NKX2-2: variants seen among roughly 807,000 people sequenced by gnomAD.
NKX2-2 encodes the protein NK2 homeobox 2.
Under a neutral mutation model 24.6 loss-of-function variants are expected in NKX2-2, and 8 were observed. The observed-to-expected ratio is 0.32, with a 90% CI of 0.19 to 0.59. The LOEUF (loss-of-function observed/expected upper bound fraction) is 0.59, where lower values mean the gene tolerates loss of function less well. NKX2-2 is among the 20% of genes least tolerant of loss of function. The probability of loss-of-function intolerance (pLI) is 0.86; values close to 1 mark genes in which losing one functional copy is unlikely to be tolerated. For synonymous variants in NKX2-2, 217 were observed against 173.3 expected (o/e 1.25, Z -1.98); for missense variants, 381 against 373.9 (o/e 1.02, Z -0.16).
upstream of NKX2-2, among the ~76,000 whole-genome samples, chr20:21,514,838 C>CGAGAGAGCCCAAAACCCAG (rs1374377632): frequency 6.6e-6 from 1 of 152,200 alleles, no homozygotes; most frequent in East Asian, 1.9e-4. Context: ...CAGTTAACCG[C>CGAGAGAGCCCAAAACCCAG]GAGAGAGCCC....
chr20:21,517,926 C>T (rs1980682214), upstream of NKX2-2, among the ~76,000 whole-genome samples: 1 of 152,184 alleles, frequency 6.6e-6, no homozygotes, highest in Non-Finnish European at 1.5e-5. Flanking sequence ...AGTAAGGGCC[C>T]ACCACTCCCA....
At position 21,512,248 on chromosome 20, in the gene NKX2-2, C is replaced by T. The variant is rs781428459; in HGVS notation, c.497G>A (p.Arg166His). 1.9e-6 allele frequency: 3 copies of T among 1,613,826 alleles called. No homozygotes were observed. The highest frequency in any genetic ancestry group is 2.5e-6 in the Non-Finnish European group (3 of 1,179,948). The change falls in exon 2 of 2, where the codon CGC (arginine) becomes CAC (histidine). Residue 166 changes from arginine to histidine, a missense_variant. Physicochemically the swap from Arg to His is conservative, Grantham distance 29. Around this residue, in one of 3 missense-constraint regions of NKX2-2, gnomAD observed 36 missense variants for 79.2 expected, o/e 0.45. Transcript: ENST00000377142. ...PEREHLASLI[R>H]LTPTQVKIWF... ...GATCTTGACCTGCGTGGGCGTGAGG[C>T]GGATGAGGCTGGCCAGGTGTTCGCG...
rs1303783468 is a variant in NKX2-2 at position 21,513,653 on chromosome 20, G to T, written c.17C>A (p.Thr6Lys). MSLTN[T>K]KTGFSVKDIL... ...GTCCTTGACCGAAAACCCCGTCTTTGTGTTGGTCAGCGACATGGTTCGAGA... is the reference window on the plus strand; with the variant it reads ...GTCCTTGACCGAAAACCCCGTCTTTTTGTTGGTCAGCGACATGGTTCGAGA... Residue 6 changes from threonine (T) to lysine (K), a missense_variant, in exon 1 of 2, where the codon ACA becomes AAA. Transcript: ENST00000377142. The surrounding 1 kb of genome is among the most constrained non-coding windows in gnomAD (Gnocchi z 4.6). 1.3e-6 allele frequency: 2 copies of T among 1,580,426 alleles called. No individual in the cohort carries two copies. The highest frequency in any genetic ancestry group is 1.7e-6 in the Non-Finnish European group (2 of 1,166,380).
At chr20:21,520,511 C>G in the NKX2-2 span, among the ~76,000 whole-genome samples, 1 of 152,318 alleles carries the variant, frequency 6.6e-6, no homozygotes, top group South Asian at 2.1e-4. Context: ...TTAATGAGAT[C>G]TTTAAAAATG....
upstream of NKX2-2, among the ~76,000 whole-genome samples, chr20:21,514,547 G>A (rs906684945): frequency 2.0e-5 from 3 of 152,168 alleles, no homozygotes; most frequent in East Asian, 1.9e-4. Flanking sequence ...CAGAAACCAG[G>A]AGGAGGGAAA....
upstream of NKX2-2, among the ~76,000 whole-genome samples, chr20:21,516,390 CT>C (rs5840920): frequency 0.17 from 22,857 of 134,730 alleles, 1,653 homozygotes; most frequent in East Asian, 0.25. Flanking sequence ...ACTTTTCGTG[CT>C]TTTTTTTTTT....
Position 21,512,097 on chromosome 20 carries a change from G to A in NKX2-2, c.648C>T (p.His216=), listed in dbSNP as rs751150502. ...CTGCCAGGTCCTGGGCTTTGAGCGC[G>A]TGACATGGTTTGCCGTCCCTGACCA... ...PVLVRDGKPC[H]ALKAQDLAAA... is the part of the protein sequence containing the mutation. Residue 216 remains histidine, a synonymous_variant, in exon 2 of 2, where the codon CAC becomes CAT. Coordinates refer to ENST00000377142, the MANE Select transcript of NKX2-2 (RefSeq NM_002509.4). 1 of 1,613,848 alleles carries A rather than the reference G, an allele frequency of 6.2e-7. No homozygotes were observed. The highest frequency in any genetic ancestry group is 8.5e-7 in the Non-Finnish European group (1 of 1,179,950).
chr20:21,519,921 C>T, the NKX2-2 span, among the ~76,000 whole-genome samples: 1 of 152,088 alleles, frequency 6.6e-6, no homozygotes, highest in Non-Finnish European at 1.5e-5. Flanking sequence ...GACTCACAGC[C>T]ATTGGACAGG....
chr20:21,520,795 G>A, the NKX2-2 span, among the ~76,000 whole-genome samples: 1 of 152,218 alleles, frequency 6.6e-6, no homozygotes, highest in Non-Finnish European at 1.5e-5. Flanking sequence ...ATGTTACAAT[G>A]AGATTACGCA....
At chr20:21,519,909 G>C in the NKX2-2 span, among the ~76,000 whole-genome samples, 18 of 152,296 alleles carry the variant, frequency 1.2e-4, 1 homozygote, top group East Asian at 3.5e-3. Flanking sequence ...TCTGGCAGGA[G>C]AGACTCACAG....
At position 21,511,657 on chromosome 20, in the gene NKX2-2, A is replaced by G. The variant is rs1980432734; in HGVS notation, c.*266T>C. The G allele has an allele frequency of 2.9e-6, 1 of 344,842 alleles. No individual in the cohort carries two copies. Among genetic ancestry groups the G allele is most frequent in the South Asian group, 1.4e-4 (1 of 7,008 alleles). 21.4% of individuals were successfully genotyped at this position (344,842 alleles called of 1,614,324 possible). On this transcript the variant is annotated 3_prime_UTR_variant, in exon 2 of 2. Coordinates refer to ENST00000377142, the MANE Select transcript of NKX2-2 (RefSeq NM_002509.4). Reference sequence around the variant, plus strand: ...GAGGCAAAGAAGCGAAGCTGCGCAAACATTCTGTAAACACGGCGTAGAGTT... The same window carrying G: ...GAGGCAAAGAAGCGAAGCTGCGCAAGCATTCTGTAAACACGGCGTAGAGTT...
At chr20:21,519,210 T>C in the NKX2-2 span, among the ~76,000 whole-genome samples, 1 of 152,206 alleles carries the variant, frequency 6.6e-6, no homozygotes, top group Non-Finnish European at 1.5e-5. Context: ...TTCTTCGTCT[T>C]TTTTTTGGAA....
chr20:21,521,678 C>T, the NKX2-2 span, among the ~76,000 whole-genome samples: 1 of 152,222 alleles, frequency 6.6e-6, no homozygotes, highest in Non-Finnish European at 1.5e-5. Context: ...CTCCCTGCGA[C>T]GCACAGGGGG....
upstream of NKX2-2, among the ~76,000 whole-genome samples, chr20:21,517,939 C>G (rs1465309361): frequency 6.6e-6 from 1 of 152,216 alleles, no homozygotes; most frequent in Non-Finnish European, 1.5e-5. Flanking sequence ...CACTCCCACC[C>G]TGTCAGCGTC....
At chr20:21,522,352 T>G in the NKX2-2 span, among the ~76,000 whole-genome samples, 1 of 152,172 alleles carries the variant, frequency 6.6e-6, no homozygotes, top group Non-Finnish European at 1.5e-5. Context: ...GACCCCTCTC[T>G]GCTGGCAGGC....
At chr20:21,521,518 T>A in the NKX2-2 span, among the ~76,000 whole-genome samples, 3 of 152,178 alleles carry the variant, frequency 2.0e-5, no homozygotes, top group Non-Finnish European at 4.4e-5. Context: ...CGGCTCCTCC[T>A]GTCTGCGACT....
At chr20:21,514,835 C>G (rs1007668865), upstream of NKX2-2, among the ~76,000 whole-genome samples, 3 of 152,228 alleles carry the variant, frequency 2.0e-5, no homozygotes, top group Non-Finnish European at 4.4e-5. Context: ...TTCCAGTTAA[C>G]CGCGAGAGAG....
chr20:21,517,468 G>C (rs748938277), upstream of NKX2-2, among the ~76,000 whole-genome samples: 10 of 152,212 alleles, frequency 6.6e-5, no homozygotes, highest in Non-Finnish European at 1.2e-4. Context: ...CGTCCGTGTG[G>C]TTCCCGCGTC....
upstream of NKX2-2, among the ~76,000 whole-genome samples, chr20:21,517,738 C>A (rs117940609): frequency 1.3e-5 from 2 of 152,290 alleles, no homozygotes; most frequent in Non-Finnish European, 2.9e-5. Context: ...AGGCGCCAAA[C>A]GCACCTTTTC....
Sources: gnomAD v4.1 joint callset for allele counts (sites outside exome capture counted in the v4.1 genomes callset) on GRCh38, gnomAD v4.1.1 for gene constraint, gnomAD v4.1.1 regional missense constraint, Gnocchi (gnomAD v3.1) non-coding constraint, MANE v1.5 for transcripts, NCBI Gene and HGNC (gene_info 2026-07-23, HGNC 2026-07-21) for gene names.